FAF1: variants seen among roughly 807,000 people sequenced by gnomAD.
The protein encoded by FAF1 is Fas associated factor 1.
A neutral mutation model predicts 92.5 loss-of-function variants in FAF1; 25 were observed. The ratio of observed to expected loss-of-function variants is 0.27; its 90% CI spans 0.20 to 0.38. The LOEUF (loss-of-function observed/expected upper bound fraction) is 0.38. Among genes scored for constraint, FAF1 ranks in the 10% least tolerant of loss-of-function variants. FAF1 has a pLI of 1.00. For synonymous variants in FAF1, 234 were observed against 273.2 expected (o/e 0.86, Z 1.42); for missense variants, 636 against 793.3 (o/e 0.80, Z 2.38).
At chr1:50,857,874 C>A in intron 2 of FAF1, 55 bp downstream of exon 2, 1 of 1,080,786 alleles carries the variant, frequency 9.3e-7, no homozygotes. Context: ...TAATTAAAGA[C>A]ATTCAAGAAT....
intron 8 of FAF1, among the ~76,000 whole-genome samples, chr1:50,622,429 C>G (rs1277140465): frequency 6.6e-6 from 1 of 152,082 alleles, no homozygotes; most frequent in Non-Finnish European, 1.5e-5. Context: ...GGCATTTTCT[C>G]TCCTAAGAGT....
chr1:50,890,907 G>A (rs566439510), intron 1 of FAF1, among the ~76,000 whole-genome samples: 47 of 152,206 alleles, frequency 3.1e-4, no homozygotes, highest in African/African-American at 1.0e-3. Flanking sequence ...ATGTTGGCCC[G>A]CCTTGCTAGA....
chr1:50,926,122 G>C (rs1645004553), intron 1 of FAF1, among the ~76,000 whole-genome samples: 1 of 152,062 alleles, frequency 6.6e-6, no homozygotes, highest in African/African-American at 2.4e-5. Flanking sequence ...GAGACTGAGG[G>C]GGGAGGATCG....
At chr1:50,517,869 A>T (rs185129163) in intron 15 of FAF1, among the ~76,000 whole-genome samples, 2 of 152,382 alleles carry the variant, frequency 1.3e-5, no homozygotes, top group African/African-American at 4.8e-5. Context: ...TATCAAAGGC[A>T]TCCAAAAAGT....
chr1:50,887,105 T>C (rs972351412), intron 1 of FAF1, among the ~76,000 whole-genome samples: 3 of 152,242 alleles, frequency 2.0e-5, no homozygotes, highest in African/African-American at 7.2e-5. Flanking sequence ...GATTGTGGTT[T>C]TGATTTGCAT....
At chr1:50,738,996 G>T in intron 5 of FAF1, 42 bp from the exon 6 acceptor site, 2 of 1,172,332 alleles carry the variant, frequency 1.7e-6, no homozygotes, top group South Asian at 1.4e-5. Context: ...TGTTGATGTT[G>T]ATTATTCATT....
chr1:50,500,669 T>A (rs1646972927), intron 15 of FAF1, among the ~76,000 whole-genome samples: 2 of 152,304 alleles, frequency 1.3e-5, no homozygotes, highest in African/African-American at 4.8e-5. Flanking sequence ...TTCATCAAAA[T>A]TTTAAACTTA....
intron 13 of FAF1, among the ~76,000 whole-genome samples, chr1:50,561,754 A>C (rs975309110): frequency 3.3e-5 from 5 of 152,082 alleles, no homozygotes; most frequent in African/African-American, 1.2e-4. Context: ...TGAACCTGGG[A>C]GGTGGAGGTT....
At chr1:50,925,468 A>T (rs1231118363) in intron 1 of FAF1, among the ~76,000 whole-genome samples, 1 of 152,188 alleles carries the variant, frequency 6.6e-6, no homozygotes, top group Non-Finnish European at 1.5e-5. Context: ...GCACCAAAAA[A>T]AAAAAAATCC....
chr1:50,564,907 C>G (rs529197798), intron 13 of FAF1, among the ~76,000 whole-genome samples: 1 of 151,492 alleles, frequency 6.6e-6, no homozygotes, highest in Admixed American at 6.6e-5. Context: ...TTCCCATTTG[C>G]CTTAACAGTA....
At chr1:50,543,649 T>C (rs536421411) in intron 13 of FAF1, among the ~76,000 whole-genome samples, 1 of 152,270 alleles carries the variant, frequency 6.6e-6, no homozygotes, top group East Asian at 1.9e-4. Flanking sequence ...TCATTTCTTT[T>C]AGGATTAAAA....
At chr1:50,636,363 T>TA (rs1654007063) in intron 8 of FAF1, among the ~76,000 whole-genome samples, 1 of 151,034 alleles carries the variant, frequency 6.6e-6, no homozygotes, top group Non-Finnish European at 1.5e-5. Context: ...TATTTTCTCT[T>TA]AGTTTGGGGC....
chr1:50,602,102 AG>A (rs1481933224), intron 8 of FAF1, among the ~76,000 whole-genome samples: 2 of 152,200 alleles, frequency 1.3e-5, no homozygotes, highest in Admixed American at 6.5e-5. Flanking sequence ...TGTCACCTGC[AG>A]ACTCCTTGCT....
chr1:50,555,362 C>T (rs573506339), intron 13 of FAF1, among the ~76,000 whole-genome samples: 8 of 151,782 alleles, frequency 5.3e-5, no homozygotes, highest in East Asian at 3.9e-4. Context: ...AAAATACATC[C>T]GACAAAGGAT....
At chr1:50,847,058 A>G (rs751120999) in intron 2 of FAF1, among the ~76,000 whole-genome samples, 3 of 152,176 alleles carry the variant, frequency 2.0e-5, no homozygotes, top group Non-Finnish European at 2.9e-5. Context: ...ATACAAGCGG[A>G]TCATTCTTGA....
intron 13 of FAF1, among the ~76,000 whole-genome samples, chr1:50,544,587 C>T (rs933699240): frequency 3.9e-5 from 6 of 152,198 alleles, no homozygotes; most frequent in Non-Finnish European, 8.8e-5. Flanking sequence ...GATAGCTTCA[C>T]TGGACCAAGT....
At chr1:50,884,598 T>G (rs1206528889) in intron 1 of FAF1, among the ~76,000 whole-genome samples, 1 of 152,156 alleles carries the variant, frequency 6.6e-6, no homozygotes, top group African/African-American at 2.4e-5. Flanking sequence ...CTTGGATCTC[T>G]CAGACACATC....
At chr1:50,952,756 C>T (rs1442000537) in intron 1 of FAF1, among the ~76,000 whole-genome samples, 1 of 151,448 alleles carries the variant, frequency 6.6e-6, no homozygotes, top group Middle Eastern at 3.4e-3. Context: ...TCTGCCCGAC[C>T]GCCACCCCGT....
chr1:50,512,375 CT>C (rs1473024173), intron 15 of FAF1, among the ~76,000 whole-genome samples: 1 of 152,080 alleles, frequency 6.6e-6, no homozygotes, highest in Non-Finnish European at 1.5e-5. Context: ...GGTTTTAAGT[CT>C]TACATTTAAG....
Sources: allele counts gnomAD v4.1 joint callset (sites outside exome capture counted in the v4.1 genomes callset), GRCh38; gene constraint gnomAD v4.1.1; transcripts MANE v1.5; gene names NCBI Gene and HGNC (gene_info 2026-07-23, HGNC 2026-07-21).